ZNF765: variants seen among roughly 807,000 people sequenced by gnomAD.
The protein encoded by ZNF765 is zinc finger protein 765.
In ZNF765, 37 loss-of-function variants were observed where a neutral mutation model predicts 44.7. The ratio of observed to expected loss-of-function variants is 0.83; its 90% CI spans 0.64 to 1.09. The LOEUF (loss-of-function observed/expected upper bound fraction) is 1.09, where lower values mean the gene tolerates loss of function less well. Among genes scored for constraint, ZNF765 ranks in the 50% least tolerant of loss-of-function variants. ZNF765 has a pLI of 0.00. For missense variants in ZNF765, 594 were observed against 626.1 expected (o/e 0.95, Z 0.55); for synonymous variants, 201 against 213.7 (o/e 0.94, Z 0.52).
rs896678838 is a variant in ZNF765 at position 53,402,247 on chromosome 19, C to A, written c.142+56C>A. 24 of 1,400,774 alleles carry A rather than the reference C, an allele frequency of 1.7e-5. No homozygotes were observed. In the East Asian group the frequency reaches 3.8e-4, roughly 22 times the overall value. The allele number at this position is 1,400,774 out of a possible 1,614,324, so 86.8% of individuals were successfully genotyped here. A position where few individuals can be genotyped will look rare whatever the true frequency, so the allele number is the denominator to read the frequency against. ...CCTTGCGTATCTTTGTATTTTCTCT[C>A]CTTTTTTTTTTTTTTTTTTTTTTTT... On this transcript the variant is annotated intron_variant, in intron 3 of 3. Transcript: ENST00000396408.
chr19:53,402,338 G>A, intron 3 of ZNF765, 147 bp downstream of exon 3: 1 of 1,396,518 alleles, frequency 7.2e-7, no homozygotes, highest in Non-Finnish European at 9.5e-7. Flanking sequence ...CTCACGGCCA[G>A]CTCCGCCTCC....
chr19:53,421,072 A>G (rs931445822), intron 3 of ZNF765, among the ~76,000 whole-genome samples: 4 of 152,278 alleles, frequency 2.6e-5, no homozygotes, highest in South Asian at 4.1e-4. Flanking sequence ...TGTATGTTCT[A>G]TTTACTGAGA....
exon 4 of ZNF765, chr19:53,426,396 G>A (rs1366419540): frequency 1.3e-5 from 2 of 152,112 alleles, no homozygotes; most frequent in Non-Finnish European, 2.9e-5. Flanking sequence ...CTTACCCAGT[G>A]AGGGCCCGCG....
At chr19:53,398,452 C>T (rs1232273523) in intron 2 of ZNF765, among the ~76,000 whole-genome samples, 1 of 152,128 alleles carries the variant, frequency 6.6e-6, no homozygotes, top group Non-Finnish European at 1.5e-5. Context: ...CAATATGGAG[C>T]AATTTTTTCT....
At chr19:53,417,615 C>G (rs1051158371) in intron 3 of ZNF765, among the ~76,000 whole-genome samples, 3 of 152,234 alleles carry the variant, frequency 2.0e-5, no homozygotes, top group African/African-American at 4.8e-5. Flanking sequence ...TACAATAGAA[C>G]AATTTATATT....
intron 3 of ZNF765, among the ~76,000 whole-genome samples, chr19:53,421,805 C>T (rs1056695845): frequency 3.9e-5 from 6 of 152,130 alleles, no homozygotes; most frequent in South Asian, 2.1e-4. Context: ...TGAGCCACCA[C>T]GCCCAGCCAT....
chr19:53,418,829 TG>T (rs1368900549), intron 3 of ZNF765, among the ~76,000 whole-genome samples: 8 of 139,144 alleles, frequency 5.7e-5, no homozygotes, highest in African/African-American at 2.1e-4. Context: ...CGCTAGAACC[TG>T]GGGGGCGGAG....
rs1253354957 is a variant in ZNF765 at position 53,407,868 on chromosome 19, G to T, written c.313G>T (p.Glu105Ter). ...HDIEFQWQED[E>*]RNGHEALMTK... is the part of the protein sequence containing the mutation. ...CATTGAGTTTCAGTGGCAAGAAGAT[G>T]AAAGAAATGGCCATGAAGCACTCAT... The change falls in exon 4 of 4, where the codon GAA becomes TAA. Residue 105 changes from glutamate (E) to a stop codon, truncating the protein, a stop_gained. Coordinates refer to ENST00000396408, the MANE Select transcript of ZNF765 (RefSeq NM_001040185.3). LOFTEE classifies it high-confidence loss of function. The T allele has an allele frequency of 6.2e-7, 1 of 1,613,614 alleles. No homozygotes were observed. Among genetic ancestry groups the T allele is most frequent in the Admixed American group, 1.7e-5 (1 of 59,944 alleles).
intron 3 of ZNF765, among the ~76,000 whole-genome samples, chr19:53,422,827 ATCT>A (rs1293000154): frequency 2.6e-5 from 4 of 152,154 alleles, no homozygotes; most frequent in Admixed American, 6.6e-5. Flanking sequence ...CATGGGAATG[ATCT>A]TCTTATCACA....
intron 3 of ZNF765, among the ~76,000 whole-genome samples, chr19:53,406,907 C>T (rs564722037): frequency 8.3e-4 from 127 of 152,186 alleles, no homozygotes; most frequent in African/African-American, 2.7e-3. Context: ...CAGAGTGAAA[C>T]TTCATCTCAA....
chr19:53,398,825 C>T (rs1288143361), intron 2 of ZNF765, among the ~76,000 whole-genome samples: 1 of 152,142 alleles, frequency 6.6e-6, no homozygotes, highest in Non-Finnish European at 1.5e-5. Context: ...TCTTGGCTCA[C>T]AGCAACCTCC....
chr19:53,415,366 A>C (rs2085868919), downstream of ZNF765, among the ~76,000 whole-genome samples: 2 of 152,178 alleles, frequency 1.3e-5, no homozygotes, highest in African/African-American at 4.8e-5. Context: ...ATATATATTT[A>C]AATATTTAAT....
At chr19:53,397,585 G>A (rs2085683721) in intron 1 of ZNF765, among the ~76,000 whole-genome samples, 3 of 152,152 alleles carry the variant, frequency 2.0e-5, no homozygotes, top group Admixed American at 6.5e-5. Flanking sequence ...GTTTCACCAC[G>A]TTGCCCAGGC....
exon 4 of ZNF765, chr19:53,426,637 C>G (rs1042159115): frequency 2.0e-5 from 3 of 152,300 alleles, no homozygotes; most frequent in Admixed American, 2.0e-4. Flanking sequence ...TCTGTGAGAT[C>G]AGCAGCGCCA....
At chr19:53,397,763 G>GTTT in intron 1 of ZNF765, among the ~76,000 whole-genome samples, 180 bp from the exon 2 acceptor site, 1 of 152,126 alleles carries the variant, frequency 6.6e-6, no homozygotes, top group African/African-American at 2.4e-5. Context: ...TGCAGCGTGT[G>GTTT]TGTGGGCTTC....
In ZNF765 at chr19:53,406,864, G is replaced by A. The variant is rs1600056375; in HGVS notation, c.143-834G>A. ...CAAAAGGTGGAGGTTGCAGTGAGCT[G>A]AGATCGGGCCATTGAACTCCAGGCG... On this transcript the variant is annotated intron_variant, in intron 3 of 3. Transcript: ENST00000396408. Among the ~76,000 whole-genome samples the A allele has an allele frequency of 2.0e-5, 3 of 152,178 alleles. No individual in the cohort carries two copies. In the South Asian group the frequency reaches 6.2e-4, roughly 32 times the overall value.
chr19:53,418,293 C>T (rs191628623), intron 3 of ZNF765, among the ~76,000 whole-genome samples: 400 of 152,024 alleles, frequency 2.6e-3, no homozygotes, highest in African/African-American at 8.5e-3. Flanking sequence ...CCCAGCTATT[C>T]GGGCCACTGC....
intron 1 of ZNF765, among the ~76,000 whole-genome samples, chr19:53,395,636 G>T (rs1568771590): frequency 6.6e-6 from 1 of 152,178 alleles, no homozygotes; most frequent in Non-Finnish European, 1.5e-5. Flanking sequence ...GTCTTAAGGC[G>T]CCGTGGCGCC....
intron 2 of ZNF765, among the ~76,000 whole-genome samples, chr19:53,399,505 GA>G (rs965522917): frequency 7.4e-5 from 11 of 149,054 alleles, no homozygotes; most frequent in African/African-American, 2.0e-4. Flanking sequence ...TCAATAAATT[GA>G]AAAAAAAATA....
Sources: gnomAD v4.1 joint callset for allele counts (sites outside exome capture counted in the v4.1 genomes callset) on GRCh38, gnomAD v4.1.1 for gene constraint, MANE v1.5 for transcripts, NCBI Gene and HGNC (gene_info 2026-07-23, HGNC 2026-07-21) for gene names.